ZFR: variants seen among roughly 807,000 people sequenced by gnomAD.
ZFR encodes the protein zinc finger RNA binding protein, also known as zinc finger RNA-binding protein.
ZFR carries 19 observed loss-of-function variants against 130.7 expected under a neutral mutation model. The observed-to-expected ratio is 0.15, with a 90% CI of 0.10 to 0.21. ZFR has a LOEUF of 0.21. Ranked by LOEUF, ZFR falls within the 10% of genes least tolerant of loss-of-function variation. ZFR has a pLI of 1.00. For synonymous variants in ZFR, 466 were observed against 456.9 expected (o/e 1.02, Z -0.25); for missense variants, 872 against 1,321.5 (o/e 0.66, Z 5.27).
intron 17 of ZFR, among the ~76,000 whole-genome samples, chr5:32,378,058 G>A (rs575684232): frequency 6.6e-6 from 1 of 152,198 alleles, no homozygotes; most frequent in African/African-American, 2.4e-5. Context: ...AACTATGACA[G>A]TGTAAAGAAT....
At chr5:32,384,396 A>G (rs1355874997) in intron 15 of ZFR, among the ~76,000 whole-genome samples, 1 of 152,198 alleles carries the variant, frequency 6.6e-6, no homozygotes, top group Non-Finnish European at 1.5e-5. Flanking sequence ...CATGCAAAGT[A>G]TGTAAAATTA....
chr5:32,397,483 T>A, intron 9 of ZFR, 145 bp from the exon 10 acceptor site: 9 of 1,034,632 alleles, frequency 8.7e-6, no homozygotes, highest in Non-Finnish European at 1.2e-5. Flanking sequence ...GGACAGAGTC[T>A]TGCTCTGTCG....
chr5:32,387,497 A>G (rs1753067294), intron 14 of ZFR, 52 bp downstream of exon 14: 6 of 1,592,892 alleles, frequency 3.8e-6, no homozygotes, highest in Middle Eastern at 1.7e-4. Flanking sequence ...AGTCCCGCCA[A>G]AAACTTCTGA....
At chr5:32,429,575 T>C (rs768540495) in intron 2 of ZFR, among the ~76,000 whole-genome samples, 3 of 152,212 alleles carry the variant, frequency 2.0e-5, no homozygotes, top group Non-Finnish European at 4.4e-5. Context: ...TCAGACTGAC[T>C]ATCTATTATC....
chr5:32,360,101 T>A (rs77535597), intron 19 of ZFR, among the ~76,000 whole-genome samples: 1 of 152,216 alleles, frequency 6.6e-6, no homozygotes, highest in African/African-American at 2.4e-5. Context: ...AGACATGATT[T>A]AATCTATCCC....
intron 14 of ZFR, among the ~76,000 whole-genome samples, chr5:32,387,343 AT>A (rs1249933369): frequency 6.6e-6 from 1 of 152,214 alleles, no homozygotes; most frequent in Non-Finnish European, 1.5e-5. Flanking sequence ...AGATGGCTTC[AT>A]GCCAAATATA....
At position 32,440,753 on chromosome 5, in the gene ZFR, T is replaced by C. The variant is rs184826101; in HGVS notation, c.137+3476A>G. On this transcript the variant is annotated intron_variant, in intron 2 of 19. Transcript: ENST00000265069. ...AAACGCTTACCACAAAATTGTCTAA[T>C]ATGCATGAACACAAATGAAAAATGT... Among the ~76,000 whole-genome samples, 38 of 152,192 alleles carry C rather than the reference T, an allele frequency of 2.5e-4. 1 individual carries two copies. The highest frequency in any genetic ancestry group is 1.2e-3 in the South Asian group (6 of 4,828).
intron 9 of ZFR, among the ~76,000 whole-genome samples, chr5:32,399,086 C>A (rs1334123252): frequency 6.6e-6 from 1 of 151,870 alleles, no homozygotes; most frequent in East Asian, 1.9e-4. Flanking sequence ...CCAGCCTGGC[C>A]AACATAGTGA....
In ZFR at chr5:32,387,679, C is replaced by T; in HGVS notation, c.2369G>A (p.Arg790Gln). The change falls in exon 14 of 20, where the codon CGA (arginine) becomes CAA (glutamine). Residue 790 changes from arginine (R) to glutamine (Q), a missense_variant. Around this residue, in one of 7 missense-constraint regions of ZFR, gnomAD observed 225 missense variants for 282.4 expected, o/e 0.80. Coordinates refer to ENST00000265069, the MANE Select transcript of ZFR (RefSeq NM_016107.5). ...TAATCCTTTTGCCAATACTCCCACT[C>T]GCAAAACTCCTTTCAAAGCTCTGCA... ...GKDRALKGVL[R>Q]VGVLAKGLLL... The T allele has an allele frequency of 1.2e-6, 2 of 1,611,218 alleles. No homozygotes were observed. The highest frequency in any genetic ancestry group is 1.7e-6 in the Non-Finnish European group (2 of 1,178,430).
At chr5:32,404,916 A>C (rs1581700256) in intron 6 of ZFR, among the ~76,000 whole-genome samples, 1 of 152,090 alleles carries the variant, frequency 6.6e-6, no homozygotes, top group African/African-American at 2.4e-5. Context: ...TCCCAGGCTC[A>C]TGTGATCCTC....
At chr5:32,427,226 G>A (rs900895632) in intron 2 of ZFR, among the ~76,000 whole-genome samples, 3 of 151,472 alleles carry the variant, frequency 2.0e-5, no homozygotes, top group Admixed American at 6.6e-5. Flanking sequence ...TCATCTGTAC[G>A]AAAAATACAA....
chr5:32,415,797 A>G lies in ZFR; in HGVS notation c.566-610T>C, dbSNP rs150090976. ...TCTGTCAACTTCTTTGCTGCCTCTG[A>G]CATACTCAAAACAATGTATATTTTG... On this transcript the variant is annotated intron_variant, in intron 4 of 19. Coordinates refer to ENST00000265069, the MANE Select transcript of ZFR (RefSeq NM_016107.5). Among the ~76,000 whole-genome samples, 319 of 152,288 alleles carry G rather than the reference A, an allele frequency of 2.1e-3. 1 individual carries two copies. Among genetic ancestry groups the G allele is most frequent in the African/African-American group, 7.0e-3 (291 of 41,550 alleles).
chr5:32,401,816 T>G (rs1214559492), intron 8 of ZFR, among the ~76,000 whole-genome samples: 1 of 152,136 alleles, frequency 6.6e-6, no homozygotes, highest in Non-Finnish European at 1.5e-5. Flanking sequence ...TTTTAAGGCC[T>G]AAAAAAGGGC....
intron 17 of ZFR, among the ~76,000 whole-genome samples, chr5:32,369,126 G>A (rs147512088): frequency 6.6e-6 from 1 of 152,288 alleles, no homozygotes; most frequent in African/African-American, 2.4e-5. Context: ...AGTGATTTAG[G>A]GGTGTGCATA....
Position 32,444,240 on chromosome 5 carries a change from C to CGCA in ZFR, c.123_125dup (p.Ala43dup). The CGCA allele has an allele frequency of 1.3e-6, 2 of 1,585,556 alleles. No homozygotes were observed. Among genetic ancestry groups the CGCA allele is most frequent in the Non-Finnish European group, 1.7e-6 (2 of 1,167,556 alleles). ...CAGGATGCCGTTACCTATATTGGGC[C>CGCA]GCAGCCGCCGCCGCCGCCGCCCCGC... On this transcript the variant is annotated inframe_insertion, in exon 2 of 20. Transcript: ENST00000265069.
intron 15 of ZFR, among the ~76,000 whole-genome samples, chr5:32,381,306 A>C (rs1752930718): frequency 1.3e-5 from 2 of 152,232 alleles, no homozygotes; most frequent in African/African-American, 4.8e-5. Context: ...ATATCCATCT[A>C]AACATCTGTA....
At chr5:32,418,117 G>A (rs938917119) in intron 3 of ZFR, among the ~76,000 whole-genome samples, 7 of 151,854 alleles carry the variant, frequency 4.6e-5, no homozygotes, top group East Asian at 1.9e-4. Flanking sequence ...AAAATTAGCC[G>A]GGCATGGTGG....
At chr5:32,429,912 A>T (rs112559477) in intron 2 of ZFR, among the ~76,000 whole-genome samples, 1,769 of 151,062 alleles carry the variant, frequency 0.012, 30 homozygotes, top group African/African-American at 0.041. Context: ...TTAAAAAAAA[A>T]TTTTTTTTTG....
chr5:32,427,007 T>G (rs914035068), intron 2 of ZFR, among the ~76,000 whole-genome samples: 2 of 151,774 alleles, frequency 1.3e-5, no homozygotes, highest in Non-Finnish European at 2.9e-5. Context: ...AAAAAACTGT[T>G]AGAACTAATA....
Sources: allele counts gnomAD v4.1 joint callset (sites outside exome capture counted in the v4.1 genomes callset), GRCh38; gene constraint gnomAD v4.1.1; regional missense constraint gnomAD v4.1.1; transcripts MANE v1.5; gene names NCBI Gene and HGNC (gene_info 2026-07-23, HGNC 2026-07-21).